Variants in CCDC171 observed in about 807,000 individuals in gnomAD.
CCDC171 encodes coiled-coil domain containing 171, also known as coiled-coil domain-containing protein 171.
Under a neutral mutation model 168.2 loss-of-function variants are expected in CCDC171, and 177 were observed. The observed-to-expected ratio is 1.05, with a 90% confidence interval of 0.93 to 1.19. The LOEUF is 1.19. Among genes scored for constraint, CCDC171 ranks in the 50% most tolerant of loss-of-function variants. The pLI, the probability that CCDC171 is intolerant of heterozygous loss-of-function variation, is 0.00. For missense variants in CCDC171, 1,991 were observed against 1,539.0 expected (o/e 1.29, Z -4.91); for synonymous variants, 687 against 540.8 (o/e 1.27, Z -3.75).
intron 25 of CCDC171, among the ~76,000 whole-genome samples, chr9:15,942,643 G>A (rs1827860390): frequency 6.6e-6 from 1 of 151,882 alleles, no homozygotes; most frequent in Non-Finnish European, 1.5e-5. Context: ...GCAAAGAATG[G>A]AAGAAATATT....
Position 15,820,954 on chromosome 9 carries a change from C to T in CCDC171, c.3268-25748C>T, listed in dbSNP as rs1449529698. Among the ~76,000 whole-genome samples, 7 of 116,318 alleles carry T rather than the reference C, an allele frequency of 6.0e-5. 2 individuals are homozygous for T. The highest frequency in any genetic ancestry group is 2.1e-4 in the East Asian group (1 of 4,672). 76.3% of individuals were successfully genotyped at this position (116,318 alleles called of 152,430 possible). ...AATCCTCAATAAAATACTGGCAAACCGAATCCAGCAGCACATCAAAAAGCT... is the reference window on the plus strand; with the variant it reads ...AATCCTCAATAAAATACTGGCAAACTGAATCCAGCAGCACATCAAAAAGCT... On this transcript the variant is annotated intron_variant, in intron 21 of 25. Transcript: ENST00000380701.
chr9:15,844,035 T>C (rs1222246142), intron 21 of CCDC171, among the ~76,000 whole-genome samples: 1 of 152,132 alleles, frequency 6.6e-6, no homozygotes, highest in Non-Finnish European at 1.5e-5. Context: ...GTTATTAAAC[T>C]TGATTTATCC....
intron 3 of CCDC171, among the ~76,000 whole-genome samples, chr9:16,001,201 A>C (rs1296282542): frequency 1.3e-5 from 2 of 152,176 alleles, no homozygotes; most frequent in Non-Finnish European, 2.9e-5. Context: ...ATCTTGTAGG[A>C]TATGCTGCCC....
chr9:15,631,077 C>G (rs1189196932), intron 7 of CCDC171, among the ~76,000 whole-genome samples: 1 of 151,874 alleles, frequency 6.6e-6, no homozygotes, highest in African/African-American at 2.4e-5. Context: ...CCGGAAAGAT[C>G]CAAAATTGAC....
At chr9:16,107,254 A>C in the CCDC171 span, among the ~76,000 whole-genome samples, 8 of 152,032 alleles carry the variant, frequency 5.3e-5, no homozygotes, top group African/African-American at 1.7e-4. Context: ...GGCTCAAGCG[A>C]TTCTCCCACC....
At chr9:15,833,080 C>G (rs1234686428) in intron 21 of CCDC171, among the ~76,000 whole-genome samples, 1 of 146,846 alleles carries the variant, frequency 6.8e-6, no homozygotes, top group African/African-American at 2.5e-5. Context: ...CTCCACCTCT[C>G]TGGTTCAAGT....
chr9:16,034,984 G>A (rs903943130), intron 6 of CCDC171, among the ~76,000 whole-genome samples: 1 of 152,168 alleles, frequency 6.6e-6, no homozygotes. Context: ...TCCAAATTGA[G>A]TCTGCCAGCC....
At chr9:15,726,086 A>T (rs550987419) in intron 14 of CCDC171, among the ~76,000 whole-genome samples, 1 of 152,342 alleles carries the variant, frequency 6.6e-6, no homozygotes, top group East Asian at 1.9e-4. Flanking sequence ...ACAAATATGA[A>T]CATGAATGCC....
chr9:15,583,074 A>G (rs967679880), intron 4 of CCDC171, among the ~76,000 whole-genome samples: 2 of 152,200 alleles, frequency 1.3e-5, no homozygotes, highest in African/African-American at 4.8e-5. Context: ...CACAATTGCA[A>G]AAATATCGAA....
chr9:15,905,772 C>T (rs149266630), intron 24 of CCDC171, among the ~76,000 whole-genome samples: 3,401 of 152,186 alleles, frequency 0.022, 76 homozygotes, highest in Non-Finnish European at 0.031. Context: ...TGATAGACTG[C>T]TAGCAAGACT....
chr9:16,066,715 G>T, the CCDC171 span, among the ~76,000 whole-genome samples: 3 of 148,040 alleles, frequency 2.0e-5, no homozygotes, highest in African/African-American at 7.5e-5. Flanking sequence ...TGCGGTGTTT[G>T]GTTTTTTGTT....
chr9:15,565,466 G>C (rs890160726), intron 2 of CCDC171, among the ~76,000 whole-genome samples: 8 of 152,068 alleles, frequency 5.3e-5, no homozygotes, highest in Non-Finnish European at 1.0e-4. Context: ...CTGTAGGCAC[G>C]CACCATTGCT....
chr9:15,842,457 A>AT (rs537416216), intron 21 of CCDC171, among the ~76,000 whole-genome samples: 64 of 152,196 alleles, frequency 4.2e-4, no homozygotes, highest in Middle Eastern at 3.4e-3. Flanking sequence ...TCATTCATAA[A>AT]TTTTTTATTT....
intron 25 of CCDC171, among the ~76,000 whole-genome samples, chr9:15,963,061 C>T (rs956482153): frequency 6.6e-6 from 1 of 151,948 alleles, no homozygotes; most frequent in Non-Finnish European, 1.5e-5. Context: ...TGTTCATAGA[C>T]CTCTGGTTTT....
At chr9:15,784,398 G>A (rs561897469) in intron 20 of CCDC171, 111 bp from the exon 21 acceptor site, 67 of 541,380 alleles carry the variant, frequency 1.2e-4, no homozygotes, top group African/African-American at 1.2e-3. Context: ...TTTTTTTAAT[G>A]TATCAAGTGC....
At chr9:16,072,652 T>G in the CCDC171 span, among the ~76,000 whole-genome samples, 1 of 152,264 alleles carries the variant, frequency 6.6e-6, no homozygotes, top group Admixed American at 6.5e-5. Flanking sequence ...GCCTCAACTC[T>G]TCTTGGGACG....
chr9:15,832,614 T>C (rs1402584814), intron 21 of CCDC171, among the ~76,000 whole-genome samples: 2 of 152,186 alleles, frequency 1.3e-5, no homozygotes, highest in Non-Finnish European at 2.9e-5. Flanking sequence ...TATACCTATG[T>C]AGGGCACTTA....
chr9:15,811,954 A>G (rs570407638), intron 21 of CCDC171, among the ~76,000 whole-genome samples: 1 of 152,290 alleles, frequency 6.6e-6, no homozygotes, highest in South Asian at 2.1e-4. Context: ...GTGGGAAAAC[A>G]TTTGATAAAA....
At chr9:15,894,924 C>G (rs2131552671) in intron 24 of CCDC171, among the ~76,000 whole-genome samples, 1 of 152,210 alleles carries the variant, frequency 6.6e-6, no homozygotes, top group South Asian at 2.1e-4. Context: ...ACCACAGTAT[C>G]TTCAGCACCT....
Sources: allele counts gnomAD v4.1 joint callset (sites outside exome capture counted in the v4.1 genomes callset), GRCh38; gene constraint gnomAD v4.1.1; transcripts MANE v1.5; gene names NCBI Gene and HGNC (gene_info 2026-07-23, HGNC 2026-07-21).